The following ADAMTSL1 variants were observed in gnomAD, a reference collection of about 807,000 sequenced individuals.
ADAMTSL1 encodes the protein ADAMTS-like protein 1.
Under a neutral mutation model 201.8 loss-of-function variants are expected in ADAMTSL1, and 126 were observed. The observed-to-expected ratio is 0.62, with a 90% CI of 0.54 to 0.72. The LOEUF (loss-of-function observed/expected upper bound fraction) is 0.72. ADAMTSL1 is among the 30% of genes least tolerant of loss of function. The pLI, the probability that ADAMTSL1 is intolerant of heterozygous loss-of-function variation, is 0.00. For synonymous variants in ADAMTSL1, 1,121 were observed against 903.4 expected, an observed-to-expected ratio of 1.24 and a Z score of -4.32; for missense variants, 2,679 against 2,277.8, an observed-to-expected ratio of 1.18 and a Z score of -3.59.
rs1564146533 is a variant in ADAMTSL1, at chr9:18,681,967, G to A, written c.1489+8G>A. ...CCTGCTATAAACCCAAAGGTAACTT[G>A]ACAGGTGCTCTATTACCAGCCTGTT... On this transcript the variant is annotated splice_region_variant and intron_variant, in intron 12 of 28. Transcript: ENST00000380548. 1 of 1,613,888 alleles carries A rather than the reference G, an allele frequency of 6.2e-7. No individual in the cohort carries two copies. The highest frequency in any genetic ancestry group is 1.7e-5 in the Admixed American group (1 of 60,010).
At chr9:17,974,052 A>G (rs922501029) in intron 1 of ADAMTSL1, among the ~76,000 whole-genome samples, 34 of 152,092 alleles carry the variant, frequency 2.2e-4, no homozygotes, top group Admixed American at 5.9e-4. Flanking sequence ...ACAACCCTTC[A>G]TGCTAAAAAC....
chr9:18,382,805 A>T lies in ADAMTSL1; in HGVS notation c.208-122024A>T, dbSNP rs370352388. On this transcript the variant is annotated intron_variant, in intron 2 of 29. Transcript: ENST00000680146. ...ACTGAAAAGAGATCTCCACTAACAGAGTTCTAAGTTATGATGAACAATGCT... is the reference window on the plus strand; with the variant it reads ...ACTGAAAAGAGATCTCCACTAACAGTGTTCTAAGTTATGATGAACAATGCT... 3.3e-5 allele frequency among the ~76,000 whole-genome samples: 5 copies of T among 152,184 alleles called. No homozygotes were observed. The East Asian group carries it at 9.6e-4, about 29-fold the overall frequency.
rs1587066130 is a variant in ADAMTSL1, at chr9:18,107,014, T to A, written c.88-56848T>A. 3.3e-5 allele frequency among the ~76,000 whole-genome samples: 5 copies of A among 152,338 alleles called. No homozygotes were observed. In the South Asian group the frequency reaches 8.3e-4, roughly 25 times the overall value. ...TAGACCACATAGGTTGGGGCTTTTT[T>A]ATGTAACATCTTCAAGCCACTCTGG... is the stretch of plus-strand genomic sequence containing the variant. On this transcript the variant is annotated intron_variant, in intron 1 of 29. Transcript: ENST00000680146.
At chr9:17,951,635 T>A (rs1827731862) in intron 1 of ADAMTSL1, among the ~76,000 whole-genome samples, 1 of 152,050 alleles carries the variant, frequency 6.6e-6, no homozygotes, top group Non-Finnish European at 1.5e-5. Flanking sequence ...CTCTTTTTTT[T>A]TTTTCTATTG....
rs576801957 is a variant in ADAMTSL1 at position 18,233,668 on chromosome 9, CACCT to C, written c.207+69688_207+69691del. On this transcript the variant is annotated intron_variant, in intron 2 of 29. Coordinates refer to the ADAMTSL1 transcript ENST00000680146. ...ATAAGAGAGAAAAATAGCCCTTGAA[CACCT>C]TATTGGAAAGAATGATGAGAGATGC... Among the ~76,000 whole-genome samples, 105 of 152,252 alleles carry C rather than the reference CACCT, an allele frequency of 6.9e-4. No homozygotes were observed. In the Middle Eastern group the frequency reaches 0.014, roughly 20 times the overall value.
intron 2 of ADAMTSL1, among the ~76,000 whole-genome samples, chr9:18,508,222 T>C (rs1160123580): frequency 6.6e-6 from 1 of 152,004 alleles, no homozygotes; most frequent in Non-Finnish European, 1.5e-5. Context: ...TTTCTTTACC[T>C]GGGATTATTA....
chr9:18,482,493 C>A (rs1563987116), intron 1 of ADAMTSL1, among the ~76,000 whole-genome samples: 1 of 152,164 alleles, frequency 6.6e-6, no homozygotes, highest in African/African-American at 2.4e-5. Flanking sequence ...TTCTCTAAGT[C>A]AATTCAGTTT....
intron 4 of ADAMTSL1, among the ~76,000 whole-genome samples, chr9:18,602,381 T>C (rs1009918445): frequency 6.6e-6 from 1 of 152,220 alleles, no homozygotes; most frequent in Non-Finnish European, 1.5e-5. Context: ...TTCAAACAAT[T>C]TCTTAATGGA....
At chr9:18,211,883 C>G (rs1226139768) in intron 2 of ADAMTSL1, among the ~76,000 whole-genome samples, 1 of 152,152 alleles carries the variant, frequency 6.6e-6, no homozygotes, top group Non-Finnish European at 1.5e-5. Context: ...CTTAGGCCAG[C>G]CCTCAACAAC....
At chr9:17,944,418 C>T (rs1256668434) in intron 1 of ADAMTSL1, among the ~76,000 whole-genome samples, 1 of 152,036 alleles carries the variant, frequency 6.6e-6, no homozygotes, top group African/African-American at 2.4e-5. Flanking sequence ...CAATGCCATC[C>T]CCATCAAGCT....
In ADAMTSL1 at chr9:18,828,204, G is replaced by A. The variant is rs115994651; in HGVS notation, c.4115-1639G>A. The stretch of plus-strand genomic sequence containing the variant: ...GTAAAGTTTTAGGAGAAATATAAGT[G>A]GTGGCCTCTACCCCTGGAGAATTTA... On this transcript the variant is annotated intron_variant, in intron 22 of 28. Transcript: ENST00000380548. Among the ~76,000 whole-genome samples, 977 of 152,258 alleles carry A rather than the reference G, an allele frequency of 6.4e-3. 14 individuals are homozygous for A. Among genetic ancestry groups the A allele is most frequent in the African/African-American group, 0.022 (916 of 41,540 alleles).
intron 3 of ADAMTSL1, among the ~76,000 whole-genome samples, chr9:18,535,590 G>T (rs939148434): frequency 6.6e-6 from 1 of 152,220 alleles, no homozygotes; most frequent in African/African-American, 2.4e-5. Flanking sequence ...CCATTTTACT[G>T]TATTAGTCCA....
intron 20 of ADAMTSL1, among the ~76,000 whole-genome samples, chr9:18,801,510 C>T (rs1414486501): frequency 3.3e-5 from 5 of 152,112 alleles, no homozygotes; most frequent in Admixed American, 2.0e-4. Context: ...GCTATTTTTT[C>T]AGCTCCGCTC....
intron 1 of ADAMTSL1, among the ~76,000 whole-genome samples, chr9:17,946,978 A>T (rs1036732043): frequency 6.6e-6 from 1 of 152,100 alleles, no homozygotes; most frequent in African/African-American, 2.4e-5. Flanking sequence ...TTGATTTACA[A>T]AATAGTTCTA....
At chr9:18,043,409 C>T (rs1364169222) in intron 1 of ADAMTSL1, among the ~76,000 whole-genome samples, 2 of 152,122 alleles carry the variant, frequency 1.3e-5, no homozygotes, top group African/African-American at 4.8e-5. Flanking sequence ...GAACCAGAGG[C>T]AGCTTCCAAA....
Position 17,992,580 on chromosome 9 carries a change from G to T in ADAMTSL1, c.87+85658G>T, listed in dbSNP as rs181051246. Among the ~76,000 whole-genome samples, 592 of 152,146 alleles carry T rather than the reference G, an allele frequency of 3.9e-3. 3 individuals carry two copies. Among genetic ancestry groups the T allele is most frequent in the Admixed American group, 6.3e-3 (97 of 15,284 alleles). On this transcript the variant is annotated intron_variant, in intron 1 of 29. Transcript: ENST00000680146. ...TCACTTGAGTCATCTGAGGCTAGGA[G>T]TTCAAGACCATCCCGGGAAAAGTAG...
chr9:18,367,489 G>A (rs79132026), intron 2 of ADAMTSL1, among the ~76,000 whole-genome samples: 7,815 of 151,850 alleles, frequency 0.051, 287 homozygotes, highest in South Asian at 0.18. Context: ...CTGTGAAACT[G>A]GGAAAGCCAA....
intron 2 of ADAMTSL1, among the ~76,000 whole-genome samples, chr9:18,366,984 C>G (rs1161901420): frequency 6.6e-6 from 1 of 152,120 alleles, no homozygotes; most frequent in African/African-American, 2.4e-5. Context: ...CATTAAAGTG[C>G]ATTCTCATTC....
intron 1 of ADAMTSL1, among the ~76,000 whole-genome samples, chr9:17,953,139 A>G (rs1250814029): frequency 2.0e-5 from 3 of 152,022 alleles, no homozygotes; most frequent in African/African-American, 7.2e-5. Flanking sequence ...CACATGACAC[A>G]TTGTATTGCT....
Sources: gnomAD v4.1 joint callset for allele counts (sites outside exome capture counted in the v4.1 genomes callset) on GRCh38, gnomAD v4.1.1 for gene constraint, MANE v1.5 for transcripts, NCBI Gene and HGNC (gene_info 2026-07-23, HGNC 2026-07-21) for gene names.